Variants in TDRD9 observed in about 807,000 individuals in gnomAD.
TDRD9 encodes the protein tudor domain containing 9, also known as ATP-dependent RNA helicase TDRD9.
A neutral mutation model predicts 172.6 loss-of-function variants in TDRD9; 124 were observed. That is an observed-to-expected ratio of 0.72 (90% CI 0.62 to 0.83). The LOEUF (loss-of-function observed/expected upper bound fraction) is 0.83, where lower values mean the gene tolerates loss of function less well. Ranked by LOEUF, TDRD9 falls within the 40% of genes least tolerant of loss-of-function variation. The pLI is 0.00. For missense variants in TDRD9, 1,479 were observed against 1,714.1 expected, an observed-to-expected ratio of 0.86 and a Z score of 2.42; for synonymous variants, 619 against 617.1, an observed-to-expected ratio of 1.00 and a Z score of -0.05.
chr14:103,989,254 A>G (rs2033784860), intron 8 of TDRD9, among the ~76,000 whole-genome samples: 2 of 152,168 alleles, frequency 1.3e-5, no homozygotes, highest in Non-Finnish European at 2.9e-5. Context: ...TGCATGTGGC[A>G]TGTCATTATC....
intron 2 of TDRD9, among the ~76,000 whole-genome samples, chr14:103,962,000 A>G (rs1395241501): frequency 6.6e-6 from 1 of 152,160 alleles, no homozygotes; most frequent in Non-Finnish European, 1.5e-5. Flanking sequence ...TTATTTTGGA[A>G]GTAAAACTTA....
At chr14:104,003,765 C>G (rs1224162127) in intron 13 of TDRD9, among the ~76,000 whole-genome samples, 1 of 152,160 alleles carries the variant, frequency 6.6e-6, no homozygotes, top group Non-Finnish European at 1.5e-5. Context: ...TGCGGTGTGG[C>G]TGACAGCTGG....
At chr14:103,957,013 T>C (rs774666470) in intron 2 of TDRD9, among the ~76,000 whole-genome samples, 1 of 152,202 alleles carries the variant, frequency 6.6e-6, no homozygotes, top group African/African-American at 2.4e-5. Context: ...AGTAACACTT[T>C]CTTTTTTAGC....
intron 13 of TDRD9, among the ~76,000 whole-genome samples, chr14:104,000,462 C>T (rs1258461431): frequency 6.6e-6 from 1 of 151,846 alleles, no homozygotes; most frequent in Admixed American, 6.6e-5. Context: ...CCTCTCCCCT[C>T]AAACTTTCTA....
chr14:103,989,933 C>T (rs1257778848), intron 8 of TDRD9, among the ~76,000 whole-genome samples: 1 of 152,244 alleles, frequency 6.6e-6, no homozygotes, highest in Non-Finnish European at 1.5e-5. Context: ...TTCTTGGTAC[C>T]TCTCCATCAG....
Position 104,040,502 on chromosome 14 carries a change from G to T in TDRD9, c.3855+168G>T, listed in dbSNP as rs191816837. 2.9e-3 allele frequency among the ~76,000 whole-genome samples: 448 copies of T among 152,228 alleles called. 1 individual carries two copies. Among genetic ancestry groups the T allele is most frequent in the African/African-American group, 0.01 (431 of 41,542 alleles). On this transcript the variant is annotated intron_variant, in intron 33 of 35. Coordinates refer to ENST00000409874, the MANE Select transcript of TDRD9 (RefSeq NM_153046.3). ...CCTGGAGTCACCCTCCAGGAGGACC[G>T]CTCCTTAACTTGCCAGTTTGATGTA...
rs1375657013 is a variant in TDRD9 at position 104,006,855 on chromosome 14, C to T, written c.2007+10C>T. ...TGTTGAGGCATTTAAAGTAAGTTTT[C>T]TGTTGTGTAAACCATGAAAGCAGCT... On this transcript the variant is annotated intron_variant, in intron 18 of 35. Transcript: ENST00000409874. The T allele has an allele frequency of 6.2e-7, 1 of 1,608,444 alleles. No individual in the cohort carries two copies. The highest frequency in any genetic ancestry group is 8.5e-7 in the Non-Finnish European group (1 of 1,176,714).
At chr14:104,019,249 G>A (rs1234316858) in intron 23 of TDRD9, among the ~76,000 whole-genome samples, 3 of 152,222 alleles carry the variant, frequency 2.0e-5, no homozygotes, top group Non-Finnish European at 2.9e-5. Context: ...TGAGTGGTCA[G>A]AAGGCTTGGC....
At chr14:104,031,006 G>T in intron 28 of TDRD9, 102 bp from the exon 29 acceptor site, 1 of 1,059,108 alleles carries the variant, frequency 9.4e-7, no homozygotes, top group South Asian at 1.5e-5. Context: ...TAATGACATA[G>T]AAATCAGAGT....
At chr14:104,042,220 T>C in intron 34 of TDRD9, 33 bp downstream of exon 34, 1 of 1,452,066 alleles carries the variant, frequency 6.9e-7, no homozygotes, top group Non-Finnish European at 9.7e-7. Flanking sequence ...CTTCTTTTCT[T>C]CCCAGTCAAC....
intron 28 of TDRD9, among the ~76,000 whole-genome samples, chr14:104,027,705 T>C (rs1336850950): frequency 6.6e-6 from 1 of 152,246 alleles, no homozygotes; most frequent in Non-Finnish European, 1.5e-5. Flanking sequence ...CTTTGTGTTG[T>C]AAACATTCAA....
intron 27 of TDRD9, 84 bp from the exon 28 acceptor site, chr14:104,026,595 A>G (rs1435992509): frequency 6.8e-7 from 1 of 1,473,432 alleles, no homozygotes. Context: ...AGGTACATGA[A>G]CAAGGTCTGT....
chr14:103,938,436 A>ATTTTTTTTTTTTTTTT (rs1483928412), intron 1 of TDRD9, among the ~76,000 whole-genome samples: 2 of 40,588 alleles, frequency 4.9e-5, no homozygotes, highest in Admixed American at 5.1e-4. Flanking sequence ...ATATATATAT[A>ATTTTTTTTTTTTTTTT]TATATTTTTT....
intron 28 of TDRD9, among the ~76,000 whole-genome samples, chr14:104,030,031 C>T (rs1263950883): frequency 6.6e-6 from 1 of 152,058 alleles, no homozygotes; most frequent in African/African-American, 2.4e-5. Flanking sequence ...GACAGTCTAG[C>T]AAAATGTTAG....
chr14:103,975,602 G>T, intron 7 of TDRD9, 49 bp downstream of exon 7: 1 of 1,515,284 alleles, frequency 6.6e-7, no homozygotes, highest in South Asian at 1.3e-5. Context: ...CTCTTGTATT[G>T]GATCAAACCT....
At chr14:103,945,801 A>G (rs1372710267) in intron 1 of TDRD9, among the ~76,000 whole-genome samples, 1 of 152,168 alleles carries the variant, frequency 6.6e-6, no homozygotes, top group Non-Finnish European at 1.5e-5. Context: ...GGAAGTACAT[A>G]AAAAGAAAAG....
intron 6 of TDRD9, among the ~76,000 whole-genome samples, chr14:103,971,502 G>T (rs1263167131): frequency 6.6e-6 from 1 of 151,686 alleles, no homozygotes; most frequent in Non-Finnish European, 1.5e-5. Context: ...GTATAGATGG[G>T]GTTTTGCACC....
intron 21 of TDRD9, 25 bp downstream of exon 21, chr14:104,014,866 T>A: frequency 7.2e-7 from 1 of 1,387,974 alleles, no homozygotes; most frequent in Non-Finnish European, 1.0e-6. Context: ...CCTGGATATT[T>A]TTTTTCCTGA....
At chr14:103,939,743 G>GTTGTTTTTTTT (rs2031078380) in intron 1 of TDRD9, 2 of 17,448 alleles carry the variant, frequency 1.1e-4, no homozygotes, top group Non-Finnish European at 2.4e-4. Flanking sequence ...GAAAAAAAGT[G>GTTGTTTTTTTT]TTTTTTTTTT....
Sources: gnomAD v4.1 joint callset for allele counts (sites outside exome capture counted in the v4.1 genomes callset) on GRCh38, gnomAD v4.1.1 for gene constraint, MANE v1.5 for transcripts, NCBI Gene and HGNC (gene_info 2026-07-23, HGNC 2026-07-21) for gene names.